Variants in SMCR8 observed in about 807,000 individuals in gnomAD.
The protein encoded by SMCR8 is guanine nucleotide exchange protein SMCR8.
In SMCR8, 30 loss-of-function variants were observed where a neutral mutation model predicts 56.6. That is an observed-to-expected ratio of 0.53 (90% confidence interval 0.40 to 0.72). The LOEUF is 0.72. SMCR8 is among the 30% of genes least tolerant of loss of function. The pLI, the probability that SMCR8 is intolerant of heterozygous loss-of-function variation, is 0.00. For synonymous variants in SMCR8, 538 were observed against 456.0 expected, an observed-to-expected ratio of 1.18 and a Z score of -2.29; for missense variants, 1,198 against 1,157.0, an observed-to-expected ratio of 1.04 and a Z score of -0.51.
At position 18,316,499 on chromosome 17, in the gene SMCR8, C is replaced by G. The variant is rs1231831543; in HGVS notation, c.710C>G (p.Ala237Gly). Residue 237 changes from alanine to glycine, a missense_variant, in exon 1 of 2, where the codon GCC (alanine) becomes GGC (glycine). Physicochemically the swap from Ala to Gly is moderately conservative, Grantham distance 60 (BLOSUM62 0). Transcript: ENST00000406438. ...SQAIEKANEL[A>G]SVEKSIIEHQ... ...GCAATTGAGAAAGCCAATGAACTGGCCAGTGTGGAGAAGTCCATCATTGAA... is the reference window on the plus strand; with the variant it reads ...GCAATTGAGAAAGCCAATGAACTGGGCAGTGTGGAGAAGTCCATCATTGAA... 3.7e-6 allele frequency: 6 copies of G among 1,614,018 alleles called. No homozygotes were observed. The highest frequency in any genetic ancestry group is 5.1e-6 in the Non-Finnish European group (6 of 1,180,048).
rs1247174186 is a variant in SMCR8 at position 18,315,924 on chromosome 17, G to A, written c.135G>A (p.Trp45Ter). 1 of 1,614,076 alleles carries A rather than the reference G, an allele frequency of 6.2e-7. No individual in the cohort carries two copies. The highest frequency in any genetic ancestry group is 8.5e-7 in the Non-Finnish European group (1 of 1,180,054). The change falls in exon 1 of 2, where the codon TGG becomes TGA. Residue 45 changes from tryptophan to a stop codon, truncating the protein, a stop_gained. Transcript: ENST00000406438. LOFTEE classifies it high-confidence loss of function. Reference protein sequence around the residue: ...FPFASQGANPWSKLSGAKFSR... With the variant: ...FPFASQGANP ...TCGCCAGTCAGGGTGCTAACCCCTG[G>A]TCAAAACTGTCCGGGGCCAAGTTTT...
At position 18,323,253 on chromosome 17, in the gene SMCR8, CTAA is replaced by C. The variant is rs1982557898; in HGVS notation, c.*184_*186del. Reference sequence around the variant, plus strand: ...GGGCAGAAGTGGAGCCTGGCTCCCTCTAAAGGCGTCTGGAGGGATGGTGACAGC... The same window carrying C: ...GGGCAGAAGTGGAGCCTGGCTCCCTCAGGCGTCTGGAGGGATGGTGACAGC... On this transcript the variant is annotated 3_prime_UTR_variant, in exon 2 of 2. Transcript: ENST00000406438. 1.7e-6 allele frequency: 1 copy of C among 603,526 alleles called. No individual in the cohort carries two copies. The highest frequency in any genetic ancestry group is 1.8e-5 in the African/African-American group (1 of 54,064). The allele number at this position is 603,526 out of a possible 1,614,324, so 37.4% of individuals were successfully genotyped here.
At position 18,317,105 on chromosome 17, in the gene SMCR8, A is replaced by G; in HGVS notation, c.1316A>G (p.Lys439Arg). The change falls in exon 1 of 2, where the codon AAG becomes AGG. Residue 439 changes from lysine (K) to arginine (R), a missense_variant. Physicochemically the swap from Lys to Arg is conservative, Grantham distance 26. Coordinates refer to ENST00000406438, the MANE Select transcript of SMCR8 (RefSeq NM_144775.3). ...MEQELGDEEY[K>R]EVEVTELSSF... is the part of the protein sequence containing the mutation. ...CAGGAACTGGGAGATGAGGAGTACA[A>G]GGAAGTGGAAGTGACTGAGTTGAGC... The G allele has an allele frequency of 6.2e-7, 1 of 1,614,214 alleles. No individual in the cohort carries two copies. The highest frequency in any genetic ancestry group is 8.5e-7 in the Non-Finnish European group (1 of 1,180,036).
chr17:18,316,945 C>G lies in SMCR8; in HGVS notation c.1156C>G (p.Gln386Glu), dbSNP rs755297439. The change falls in exon 1 of 2, where the codon CAA becomes GAA. Residue 386 changes from glutamine to glutamate, a missense_variant. Gln to Glu is a conservative substitution (Grantham distance 29). Transcript: ENST00000406438. Reference protein sequence around the residue: ...VEVDDRMVEKQESIPSKPSQD... With the variant: ...VEVDDRMVEKEESIPSKPSQD... Reference sequence around the variant, plus strand: ...GGTCGATGACAGGATGGTGGAGAAACAAGAAAGCATACCCTCTAAGCCCAG... The same window carrying G: ...GGTCGATGACAGGATGGTGGAGAAAGAAGAAAGCATACCCTCTAAGCCCAG... 3 of 1,614,128 alleles carry G rather than the reference C, an allele frequency of 1.9e-6. No homozygotes were observed. The highest frequency in any genetic ancestry group is 1.1e-5 in the South Asian group (1 of 91,084).
chr17:18,317,264 G>T lies in SMCR8; in HGVS notation c.1475G>T (p.Ser492Ile), dbSNP rs1982340712. The change falls in exon 1 of 2, where the codon AGC (serine) becomes ATC (isoleucine). Residue 492 changes from serine (S) to isoleucine (I), a missense_variant. Transcript: ENST00000406438. The part of the protein sequence containing the change: ...SVLSKSDSQA[S>I]LTVPLSPQVV... The stretch of plus-strand genomic sequence containing the variant: ...CTTTCTAAATCTGACAGCCAGGCAA[G>T]CCTCACAGTACCATTGAGCCCCCAG... The T allele has an allele frequency of 6.2e-7, 1 of 1,614,010 alleles. No homozygotes were observed. The highest frequency in any genetic ancestry group is 1.3e-5 in the African/African-American group (1 of 74,924).
chr17:18,322,463 A>T (rs1411091943), intron 1 of SMCR8, among the ~76,000 whole-genome samples, 154 bp from the exon 2 acceptor site: 1 of 152,190 alleles, frequency 6.6e-6, no homozygotes. Flanking sequence ...GAGCCCTTTG[A>T]AGATTACAAT....
In SMCR8 at chr17:18,322,647, C is replaced by T. The variant is rs1982533032; in HGVS notation, c.2391C>T (p.Leu797=). 2 of 1,614,056 alleles carry T rather than the reference C, an allele frequency of 1.2e-6. No homozygotes were observed. Among genetic ancestry groups the T allele is most frequent in the African/African-American group, 1.3e-5 (1 of 74,944 alleles). The change falls in exon 2 of 2, where the codon CTC becomes CTT. Residue 797 remains leucine (L), a synonymous_variant. Transcript: ENST00000406438. ...RVASPAGAGT[L]HALSRYSRYT... ...CCTCCCCTGCCGGTGCCGGTACCCT[C>T]CATGCCCTGAGCCGCTACAGCCGCT...
chr17:18,316,300 G>C lies in SMCR8; in HGVS notation c.511G>C (p.Glu171Gln), dbSNP rs1982278913. ...DQHKIMQQFQ[E>Q]LSAEFSRASE... ...GCATAAAATCATGCAGCAGTTCCAG[G>C]AGCTTTCAGCCGAATTTTCCAGAGC... The change falls in exon 1 of 2, where the codon GAG (glutamate) becomes CAG (glutamine). Residue 171 changes from glutamate to glutamine, a missense_variant. Transcript: ENST00000406438. 1 of 1,614,050 alleles carries C rather than the reference G, an allele frequency of 6.2e-7. No individual in the cohort carries two copies. Among genetic ancestry groups the C allele is most frequent in the Non-Finnish European group, 8.5e-7 (1 of 1,180,028 alleles).
rs1387544545 is a variant in SMCR8 at position 18,326,070 on chromosome 17, AAAAAT to A, written c.*3001_*3005del. The A allele has an allele frequency of 1.3e-5, 2 of 152,192 alleles. No homozygotes were observed. Among genetic ancestry groups the A allele is most frequent in the Non-Finnish European group, 2.9e-5 (2 of 68,040 alleles). The allele number at this position is 152,192 out of a possible 1,614,324, so 9.4% of individuals were successfully genotyped here. A position where few individuals can be genotyped will look rare whatever the true frequency, so the allele number is the denominator to read the frequency against. ...AAGAGCGAAAACTGTCTCAAAAAAA[AAAAAT>A]TTTTCATTTGAGGTATTCTTCCAGT... On this transcript the variant is annotated 3_prime_UTR_variant, in exon 2 of 2. Transcript: ENST00000406438.
In SMCR8 at chr17:18,316,509, G is replaced by C. The variant is rs1982291431; in HGVS notation, c.720G>C (p.Glu240Asp). 2 of 1,614,048 alleles carry C rather than the reference G, an allele frequency of 1.2e-6. No individual in the cohort carries two copies. Among genetic ancestry groups the C allele is most frequent in the Non-Finnish European group, 1.7e-6 (2 of 1,180,044 alleles). Residue 240 changes from glutamate to aspartate, a missense_variant, in exon 1 of 2, where the codon GAG (glutamate) becomes GAC (aspartate). Glu to Asp is a conservative substitution (Grantham distance 45). Coordinates refer to ENST00000406438, the MANE Select transcript of SMCR8 (RefSeq NM_144775.3). ...AAGCCAATGAACTGGCCAGTGTGGA[G>C]AAGTCCATCATTGAACATCAAGACC... ...IEKANELASV[E>D]KSIIEHQDLL...
chr17:18,318,140 G>A lies in SMCR8; in HGVS notation c.2351G>A (p.Gly784Asp). Residue 784 changes from glycine (G) to aspartate (D), a missense_variant, in exon 1 of 2, where the codon GGC becomes GAC. By Grantham distance (94) the Gly-to-Asp change is moderately conservative. Coordinates refer to ENST00000406438, the MANE Select transcript of SMCR8 (RefSeq NM_144775.3). ...IMDFQKWKLI[G>D]LQRVASPAGA... ...GATTTTCAGAAGTGGAAGCTTATTG[G>A]CTTGCAGAGGTAACTGGTTCCAGGT... is the stretch of plus-strand genomic sequence containing the variant. The A allele has an allele frequency of 6.2e-7, 1 of 1,611,128 alleles. No individual in the cohort carries two copies. The highest frequency in any genetic ancestry group is 8.5e-7 in the Non-Finnish European group (1 of 1,177,452).
In SMCR8 at chr17:18,318,015, A is replaced by G. The variant is rs1392617065; in HGVS notation, c.2226A>G (p.Ile742Met). The G allele has an allele frequency of 6.2e-7, 1 of 1,614,128 alleles. No homozygotes were observed. Among genetic ancestry groups the G allele is most frequent in the Non-Finnish European group, 8.5e-7 (1 of 1,180,058 alleles). The change falls in exon 1 of 2, where the codon ATA becomes ATG. Residue 742 changes from isoleucine to methionine, a missense_variant. Ile to Met is a conservative substitution (Grantham distance 10). Coordinates refer to ENST00000406438, the MANE Select transcript of SMCR8 (RefSeq NM_144775.3). ...TLVVLGEDEA[I>M]VRKLVTALAI... is the part of the protein sequence containing the mutation. Reference sequence around the variant, plus strand: ...TGGTCCTGGGGGAAGATGAGGCCATAGTCAGGAAACTCGTGACTGCACTGG... The same window carrying G: ...TGGTCCTGGGGGAAGATGAGGCCATGGTCAGGAAACTCGTGACTGCACTGG...
intron 1 of SMCR8, among the ~76,000 whole-genome samples, chr17:18,319,326 C>T (rs1017947120): frequency 1.3e-5 from 2 of 152,188 alleles, no homozygotes; most frequent in East Asian, 1.9e-4. Context: ...CAGCACAGTG[C>T]AGTGCTTGGC....
In SMCR8 at chr17:18,323,152, G is replaced by T; in HGVS notation, c.*82G>T. ...GGTTGGCATGACCAAACAGTTGCCT[G>T]AGCTGGACTGTTTAAGTTTCTGGTG... is the stretch of plus-strand genomic sequence containing the variant. On this transcript the variant is annotated 3_prime_UTR_variant, in exon 2 of 2. Coordinates refer to ENST00000406438, the MANE Select transcript of SMCR8 (RefSeq NM_144775.3). The T allele has an allele frequency of 8.1e-7, 1 of 1,228,516 alleles. No homozygotes were observed. Among genetic ancestry groups the T allele is most frequent in the Non-Finnish European group, 1.1e-6 (1 of 871,218 alleles). The allele number at this position is 1,228,516 out of a possible 1,614,324, so 76.1% of individuals were successfully genotyped here. A position where few individuals can be genotyped will look rare whatever the true frequency, so the allele number is the denominator to read the frequency against.
rs1274260434 is a variant in SMCR8 at position 18,317,614 on chromosome 17, G to T, written c.1825G>T (p.Asp609Tyr). The change falls in exon 1 of 2, where the codon GAT becomes TAT. Residue 609 changes from aspartate (D) to tyrosine (Y), a missense_variant. Asp to Tyr is a radical substitution (Grantham distance 160, BLOSUM62 -3). Transcript: ENST00000406438. ...TCCAGCCCACACACACTCTGACGAG[G>T]ATGGGGTGGTGAGCAGCCCCCCACA... is the stretch of plus-strand genomic sequence containing the variant. ...STPAHTHSDE[D>Y]GVVSSPPQRH... 2 of 1,614,172 alleles carry T rather than the reference G, an allele frequency of 1.2e-6. No homozygotes were observed. The highest frequency in any genetic ancestry group is 3.3e-5 in the Admixed American group (2 of 60,028).
chr17:18,317,079 G>T lies in SMCR8; in HGVS notation c.1290G>T (p.Glu430Asp), dbSNP rs768162861. 1 of 1,614,150 alleles carries T rather than the reference G, an allele frequency of 6.2e-7. No individual in the cohort carries two copies. Among genetic ancestry groups the T allele is most frequent in the Non-Finnish European group, 8.5e-7 (1 of 1,180,038 alleles). ...SSVESVLIKM[E>D]QELGDEEYKE... ...TGGAGTCTGTGTTGATCAAGATGGA[G>T]CAGGAACTGGGAGATGAGGAGTACA... Residue 430 changes from glutamate to aspartate, a missense_variant, in exon 1 of 2, where the codon GAG (glutamate) becomes GAT (aspartate). Glu to Asp is a conservative substitution (Grantham distance 45, BLOSUM62 2). Coordinates refer to ENST00000406438, the MANE Select transcript of SMCR8 (RefSeq NM_144775.3).
chr17:18,323,353 C>T lies in SMCR8; in HGVS notation c.*283C>T. The T allele has an allele frequency of 2.4e-6, 1 of 418,448 alleles. No individual in the cohort carries two copies. The highest frequency in any genetic ancestry group is 4.3e-6 in the Non-Finnish European group (1 of 230,340). The allele number at this position is 418,448 out of a possible 1,614,324, so 25.9% of individuals were successfully genotyped here. On this transcript the variant is annotated 3_prime_UTR_variant, in exon 2 of 2. Transcript: ENST00000406438. ...CCTTGGTTTTCTGAGGACTGGCAGC[C>T]AGGGCAGAAGGGAAGCCACCAGTCC...
In SMCR8 at chr17:18,317,222, A is replaced by T. The variant is rs1397878395; in HGVS notation, c.1433A>T (p.Glu478Val). The T allele has an allele frequency of 3.7e-6, 6 of 1,614,034 alleles. No individual in the cohort carries two copies. The highest frequency in any genetic ancestry group is 2.2e-5 in the East Asian group (1 of 44,888). The change falls in exon 1 of 2, where the codon GAG (glutamate) becomes GTG (valine). Residue 478 changes from glutamate (E) to valine (V), a missense_variant. By Grantham distance (121) the Glu-to-Val change is moderately radical (BLOSUM62 -2). Transcript: ENST00000406438. ...SGESIEVLGTEKSTSVLSKSD... is the reference protein window; with the variant it reads ...SGESIEVLGTVKSTSVLSKSD... ...GAAAGTATTGAAGTTTTGGGCACGG[A>T]GAAATCCACCTCCGTGCTTTCTAAA... is the stretch of plus-strand genomic sequence containing the variant.
chr17:18,317,644 C>T lies in SMCR8; in HGVS notation c.1855C>T (p.His619Tyr). 2 of 1,614,182 alleles carry T rather than the reference C, an allele frequency of 1.2e-6. No individual in the cohort carries two copies. Among genetic ancestry groups the T allele is most frequent in the African/African-American group, 1.3e-5 (1 of 75,054 alleles). The change falls in exon 1 of 2, where the codon CAC becomes TAC. Residue 619 changes from histidine to tyrosine, a missense_variant. Transcript: ENST00000406438. ...DGVVSSPPQR[H>Y]RQKDQGFRVD... is the part of the protein sequence containing the mutation. ...GGTGGTGAGCAGCCCCCCACAGCGC[C>T]ACAGGCAGAAGGACCAGGGGTTCCG...
Sources: gnomAD v4.1 joint callset for allele counts (sites outside exome capture counted in the v4.1 genomes callset) on GRCh38, gnomAD v4.1.1 for gene constraint, MANE v1.5 for transcripts, NCBI Gene and HGNC (gene_info 2026-07-23, HGNC 2026-07-21) for gene names.